The following PIAS4 variants were observed in gnomAD, a reference collection of about 807,000 sequenced individuals.
PIAS4 encodes the protein protein inhibitor of activated STAT 4.
PIAS4 carries 7 observed loss-of-function variants against 58.0 expected under a neutral mutation model. The ratio of observed to expected loss-of-function variants is 0.12; its 90% confidence interval spans 0.07 to 0.23. The LOEUF is 0.23. Ranked by LOEUF, PIAS4 falls within the 10% of genes least tolerant of loss-of-function variation. The pLI, the probability that PIAS4 is intolerant of heterozygous loss-of-function variation, is 1.00. For missense variants in PIAS4, 550 were observed against 709.5 expected, an observed-to-expected ratio of 0.78 and a Z score of 2.55; for synonymous variants, 364 against 312.4, an observed-to-expected ratio of 1.17 and a Z score of -1.74.
chr19:4,017,936 A>G (rs2040068603), intron 2 of PIAS4: 1 of 152,190 alleles, frequency 6.6e-6, no homozygotes, highest in African/African-American at 2.4e-5. Flanking sequence ...TGGCCTCCCA[A>G]AGTGCTGGGG....
chr19:4,019,689 G>A (rs1353769235), intron 2 of PIAS4, among the ~76,000 whole-genome samples: 2 of 152,148 alleles, frequency 1.3e-5, no homozygotes, highest in Non-Finnish European at 2.9e-5. Context: ...CCAATTAGGC[G>A]GCCTTCCTCA....
At chr19:4,019,189 G>A (rs578253438) in intron 2 of PIAS4, among the ~76,000 whole-genome samples, 7 of 152,296 alleles carry the variant, frequency 4.6e-5, no homozygotes, top group African/African-American at 1.7e-4. Context: ...AGCTGACCCC[G>A]AGGGCAGAAG....
rs1215954227 is a variant in PIAS4, at chr19:4,013,762, C to T, written c.454+413C>T. Among the ~76,000 whole-genome samples, 2 of 152,316 alleles carry T rather than the reference C, an allele frequency of 1.3e-5. No individual in the cohort carries two copies. Among genetic ancestry groups the T allele is most frequent in the East Asian group, 1.9e-4 (1 of 5,180 alleles). On this transcript the variant is annotated intron_variant, in intron 2 of 10. Coordinates refer to ENST00000262971, the MANE Select transcript of PIAS4 (RefSeq NM_015897.4). This position sits in a 1 kb window ranked among gnomAD's most constrained non-coding sequence, Gnocchi z 5.1. ...CCTCGCCAGCTCTTGGCCACAGTCC[C>T]CAGGTCCTCATGGTGCGGACTCCTG...
rs149366914 is a variant in PIAS4 at position 4,033,575 on chromosome 19, C to T, written c.1137C>T (p.Ile379=). 1.4e-4 allele frequency: 224 copies of T among 1,604,504 alleles called. 1 individual carries two copies. The highest frequency in any genetic ancestry group is 8.9e-5 in the Non-Finnish European group (105 of 1,176,796). Residue 379 remains isoleucine (I), a synonymous_variant, in exon 9 of 11, where the codon ATC becomes ATT. Transcript: ENST00000262971. ...DKPAPYDQLI[I]DGLLSKILSE... ...CAGCCCCCTACGACCAGCTCATCATCGACGGGTGAGCCCGGGGCCCCGGGG... is the reference window on the plus strand; with the variant it reads ...CAGCCCCCTACGACCAGCTCATCATTGACGGGTGAGCCCGGGGCCCCGGGG...
At chr19:4,036,286 T>TCACACA (rs138200001) in intron 9 of PIAS4, among the ~76,000 whole-genome samples, 5 of 100,024 alleles carry the variant, frequency 5.0e-5, no homozygotes, top group African/African-American at 1.8e-4. Flanking sequence ...GTCTACACCG[T>TCACACA]CACACACACA....
At chr19:4,023,314 A>G (rs936766496) in intron 2 of PIAS4, among the ~76,000 whole-genome samples, 2 of 152,034 alleles carry the variant, frequency 1.3e-5, no homozygotes, top group Admixed American at 6.6e-5. Flanking sequence ...TCCCATCTCT[A>G]CTAAAAATAC....
Position 4,013,468 on chromosome 19 carries a change from G to T in PIAS4, c.454+119G>T, listed in dbSNP as rs2040020410. On this transcript the variant is annotated intron_variant, in intron 2 of 10. Coordinates refer to ENST00000262971, the MANE Select transcript of PIAS4 (RefSeq NM_015897.4). This position sits in a 1 kb window ranked among gnomAD's most constrained non-coding sequence, Gnocchi z 5.1. ...TTCTCTGTGGCGCAGCCAGGGCGGG[G>T]AGCCACAGTGGCCAGGGGTGTCCTT... 2.3e-6 allele frequency: 2 copies of T among 871,922 alleles called. No homozygotes were observed. The highest frequency in any genetic ancestry group is 1.7e-5 in the African/African-American group (1 of 59,180). 54.0% of individuals were successfully genotyped at this position (871,922 alleles called of 1,614,324 possible).
At chr19:4,024,352 C>T (rs1367742316) in intron 3 of PIAS4, among the ~76,000 whole-genome samples, 1 of 152,208 alleles carries the variant, frequency 6.6e-6, no homozygotes, top group African/African-American at 2.4e-5. Context: ...TAGAGAGAGG[C>T]GGACTGACTG....
rs982412013 is a variant in PIAS4 at position 4,012,781 on chromosome 19, G to A, written c.28-142G>A. On this transcript the variant is annotated intron_variant, in intron 1 of 10. Transcript: ENST00000262971. Reference sequence around the variant, plus strand: ...TGGGAGGGGGCACCGTAGGGGCAGGGCACTCCACCAGCCCCAGCCAAGGCT... The same window carrying A: ...TGGGAGGGGGCACCGTAGGGGCAGGACACTCCACCAGCCCCAGCCAAGGCT... 1.5e-4 allele frequency: 132 copies of A among 876,988 alleles called. 1 individual carries two copies. Among genetic ancestry groups the A allele is most frequent in the African/African-American group, 3.4e-5 (2 of 59,410 alleles). The allele number at this position is 876,988 out of a possible 1,614,324, so 54.3% of individuals were successfully genotyped here. A position where few individuals can be genotyped will look rare whatever the true frequency, so the allele number is the denominator to read the frequency against.
rs747145511 is a variant in PIAS4 at position 4,037,623 on chromosome 19, G to C, written c.1281G>C (p.Ser427=). Residue 427 remains serine, a synonymous_variant, in exon 11 of 11, where the codon TCG becomes TCC. Transcript: ENST00000262971. The surrounding 1 kb of genome is among the most constrained non-coding windows in gnomAD (Gnocchi z 5.8). ...TGTCCCTGTTGCCCGTAGGCCCCTC[G>C]GACGCCAATGGGCTCCTGCCCGCCC... ...PQGAILVLGP[S]DANGLLPAPS... The C allele has an allele frequency of 2.5e-6, 4 of 1,610,418 alleles. No homozygotes were observed. The highest frequency in any genetic ancestry group is 3.4e-6 in the Non-Finnish European group (4 of 1,179,774).
intron 1 of PIAS4, among the ~76,000 whole-genome samples, chr19:4,008,339 T>TGGA (rs1228846293): frequency 2.0e-5 from 3 of 151,970 alleles, no homozygotes; most frequent in African/African-American, 7.2e-5. Flanking sequence ...CCTGCCACCG[T>TGGA]CCAGGTGGAG....
intron 1 of PIAS4, among the ~76,000 whole-genome samples, chr19:4,009,950 G>A (rs945286674): frequency 6.6e-6 from 1 of 152,128 alleles, no homozygotes; most frequent in Admixed American, 6.5e-5. Context: ...GGAGAGAGGC[G>A]CCTTCCTGAG....
At chr19:4,020,646 G>A (rs1392425712) in intron 2 of PIAS4, among the ~76,000 whole-genome samples, 1 of 152,208 alleles carries the variant, frequency 6.6e-6, no homozygotes, top group Non-Finnish European at 1.5e-5. Context: ...TTTTAATGTA[G>A]ACACAGTCTT....
In PIAS4 at chr19:4,037,935, C is replaced by A; in HGVS notation, c.*60C>A. 1 of 1,509,244 alleles carries A rather than the reference C, an allele frequency of 6.6e-7. No individual in the cohort carries two copies. Among genetic ancestry groups the A allele is most frequent in the African/African-American group, 1.4e-5 (1 of 71,830 alleles). 93.5% of individuals were successfully genotyped at this position (1,509,244 alleles called of 1,614,324 possible). On this transcript the variant is annotated 3_prime_UTR_variant, in exon 11 of 11. Coordinates refer to ENST00000262971, the MANE Select transcript of PIAS4 (RefSeq NM_015897.4). This position sits in a 1 kb window ranked among gnomAD's most constrained non-coding sequence, Gnocchi z 5.8. ...CACGCAGAGGGGCACGGGCCAGCCTCGGGCGCAGAGGGAGGAGTGACCTTT... is the reference window on the plus strand; with the variant it reads ...CACGCAGAGGGGCACGGGCCAGCCTAGGGCGCAGAGGGAGGAGTGACCTTT...
chr19:4,016,095 G>A (rs972046798), intron 2 of PIAS4, among the ~76,000 whole-genome samples: 18 of 152,238 alleles, frequency 1.2e-4, no homozygotes, highest in Non-Finnish European at 1.8e-4. Flanking sequence ...GCTCTGGCCT[G>A]GACCTCTGCA....
At chr19:4,028,485 C>T (rs1401952668) in intron 4 of PIAS4, 25 bp from the exon 5 acceptor site, 9 of 1,585,010 alleles carry the variant, frequency 5.7e-6, no homozygotes, top group Non-Finnish European at 7.8e-6. Context: ...CCCTCCCCGC[C>T]CCATGGTCCC....
intron 2 of PIAS4, among the ~76,000 whole-genome samples, chr19:4,022,664 C>T (rs2040122078): frequency 6.6e-6 from 1 of 151,544 alleles, no homozygotes; most frequent in Non-Finnish European, 1.5e-5. Context: ...CCGCGCCTGG[C>T]CGTTTGTTTT....
At chr19:4,028,370 C>G in intron 4 of PIAS4, 140 bp from the exon 5 acceptor site, 1 of 798,018 alleles carries the variant, frequency 1.3e-6, no homozygotes, top group Non-Finnish European at 2.1e-6. Flanking sequence ...CAGGCCACAC[C>G]CGGGGGCCCT....
chr19:4,008,291 C>T (rs2039962309), intron 1 of PIAS4, among the ~76,000 whole-genome samples: 1 of 152,164 alleles, frequency 6.6e-6, no homozygotes, highest in Non-Finnish European at 1.5e-5. Flanking sequence ...GTTTGCGAGT[C>T]TCCTGCTCGG....
Sources: allele counts gnomAD v4.1 joint callset (sites outside exome capture counted in the v4.1 genomes callset), GRCh38; gene constraint gnomAD v4.1.1; non-coding constraint Gnocchi (gnomAD v3.1); transcripts MANE v1.5; gene names NCBI Gene and HGNC (gene_info 2026-07-23, HGNC 2026-07-21).